Variants in PRKN observed in about 807,000 individuals in gnomAD.
PRKN encodes parkin RBR E3 ubiquitin protein ligase, also known as E3 ubiquitin-protein ligase parkin.
A neutral mutation model predicts 59.5 loss-of-function variants in PRKN; 56 were observed. That is an observed-to-expected ratio of 0.94 (90% CI 0.76 to 1.18). The LOEUF is 1.18. Ranked by LOEUF, PRKN falls within the 50% of genes most tolerant of loss-of-function variation. The pLI is 0.00. For synonymous variants in PRKN, 250 were observed against 222.1 expected, an observed-to-expected ratio of 1.13 and a Z score of -1.12; for missense variants, 657 against 596.4, an observed-to-expected ratio of 1.10 and a Z score of -1.06.
chr6:162,269,823 C>T (rs886812165), intron 2 of PRKN, among the ~76,000 whole-genome samples: 2 of 152,132 alleles, frequency 1.3e-5, no homozygotes, highest in Non-Finnish European at 2.9e-5. Flanking sequence ...CAATGCGATA[C>T]CATCTTACTC....
chr6:162,256,423 T>A (rs2128098138), intron 3 of PRKN, among the ~76,000 whole-genome samples: 1 of 152,296 alleles, frequency 6.6e-6, no homozygotes, highest in African/African-American at 2.4e-5. Context: ...AAGAGTGTAT[T>A]ACAGACAGTT....
At chr6:162,074,848 A>G (rs1206261056) in intron 4 of PRKN, among the ~76,000 whole-genome samples, 1 of 152,126 alleles carries the variant, frequency 6.6e-6, no homozygotes, top group Non-Finnish European at 1.5e-5. Context: ...TTCCTGAACC[A>G]CAAGATGCCT....
At chr6:161,644,108 A>G (rs1190850894) in intron 7 of PRKN, among the ~76,000 whole-genome samples, 1 of 152,162 alleles carries the variant, frequency 6.6e-6, no homozygotes, top group Admixed American at 6.5e-5. Context: ...CCAATCTCAG[A>G]GGGAAAAAGC....
At chr6:162,727,469 C>T (rs1300137253) in intron 1 of PRKN, among the ~76,000 whole-genome samples, 193 bp downstream of exon 1, 1 of 152,048 alleles carries the variant, frequency 6.6e-6, no homozygotes, top group Admixed American at 6.5e-5. Context: ...GGGCTTCGAA[C>T]GCACACACTG....
chr6:161,870,212 G>A (rs1413766459), intron 6 of PRKN, among the ~76,000 whole-genome samples: 2 of 152,102 alleles, frequency 1.3e-5, no homozygotes, highest in African/African-American at 2.4e-5. Context: ...ATATTGGGCT[G>A]TTCTCAGAGT....
intron 6 of PRKN, among the ~76,000 whole-genome samples, chr6:161,926,955 C>A (rs1374992079): frequency 6.6e-6 from 1 of 152,026 alleles, no homozygotes; most frequent in Non-Finnish European, 1.5e-5. Flanking sequence ...TTTTAAAAGA[C>A]AATAAGTTAC....
At chr6:161,998,400 C>G (rs1190899768) in intron 5 of PRKN, among the ~76,000 whole-genome samples, 1 of 152,072 alleles carries the variant, frequency 6.6e-6, no homozygotes, top group East Asian at 1.9e-4. Flanking sequence ...CTCTTATGAA[C>G]CTGGAAACAA....
intron 1 of PRKN, among the ~76,000 whole-genome samples, chr6:162,480,189 C>T (rs1279101146): frequency 3.9e-5 from 6 of 152,106 alleles, no homozygotes; most frequent in Non-Finnish European, 8.8e-5. Context: ...CAATTGGTAT[C>T]GTAGTAGGCT....
intron 6 of PRKN, among the ~76,000 whole-genome samples, chr6:161,946,787 T>A (rs1779798449): frequency 6.6e-6 from 1 of 152,134 alleles, no homozygotes; most frequent in Admixed American, 6.6e-5. Flanking sequence ...AAGTAAGCGA[T>A]CTCAATGTCT....
chr6:161,595,216 C>T (rs1781871245), intron 7 of PRKN, among the ~76,000 whole-genome samples: 1 of 152,152 alleles, frequency 6.6e-6, no homozygotes, highest in Non-Finnish European at 1.5e-5. Flanking sequence ...TCAAAGAACA[C>T]GTTGTCAGTG....
chr6:162,635,286 C>T (rs937590235), intron 1 of PRKN, among the ~76,000 whole-genome samples: 20 of 152,156 alleles, frequency 1.3e-4, no homozygotes, highest in African/African-American at 4.8e-4. Context: ...AATAAATTTC[C>T]TCTATCTTTA....
chr6:162,393,317 G>A (rs541194802), intron 2 of PRKN, among the ~76,000 whole-genome samples: 4 of 151,652 alleles, frequency 2.6e-5, no homozygotes, highest in African/African-American at 4.8e-5. Flanking sequence ...CTGCCACCAC[G>A]CCCAGCTAAT....
At chr6:162,672,685 AGTGTGTGTGTGTGT>A (rs56722608) in intron 1 of PRKN, among the ~76,000 whole-genome samples, 1 of 149,064 alleles carries the variant, frequency 6.7e-6, no homozygotes, top group South Asian at 2.1e-4. Flanking sequence ...TTGGGGGAAA[AGTGTGTGTGTGTGT>A]GTGTGTGTGT....
At chr6:161,708,703 C>T (rs895561551) in intron 7 of PRKN, among the ~76,000 whole-genome samples, 3 of 152,122 alleles carry the variant, frequency 2.0e-5, no homozygotes, top group African/African-American at 7.2e-5. Flanking sequence ...ATTAGAGCAA[C>T]TTTGTGAGGA....
At chr6:162,550,181 T>C (rs952790988) in intron 1 of PRKN, among the ~76,000 whole-genome samples, 6 of 152,192 alleles carry the variant, frequency 3.9e-5, no homozygotes, top group Admixed American at 1.3e-4. Context: ...AATGAGTATG[T>C]AGCTAAAAGT....
chr6:162,658,693 A>AAAAAGAAAAAGAAAACAAAAG (rs1778760782), intron 1 of PRKN, among the ~76,000 whole-genome samples: 1 of 149,380 alleles, frequency 6.7e-6, no homozygotes. Context: ...AAGAAAAAAG[A>AAAAAGAAAAAGAAAACAAAAG]AAAAGAAAAA....
At chr6:162,039,739 T>A (rs930665238) in intron 5 of PRKN, among the ~76,000 whole-genome samples, 7 of 152,218 alleles carry the variant, frequency 4.6e-5, no homozygotes, top group African/African-American at 1.7e-4. Flanking sequence ...ATTATCATTG[T>A]CTGTTGCTAA....
intron 1 of PRKN, among the ~76,000 whole-genome samples, chr6:162,556,368 T>TGTGC (rs1225518749): frequency 1.4e-4 from 14 of 98,052 alleles, no homozygotes; most frequent in East Asian, 1.5e-3. Context: ...TGTGTGTGTG[T>TGTGC]GTGTGTGTGT....
intron 9 of PRKN, among the ~76,000 whole-genome samples, chr6:161,543,392 G>A (rs367974949): frequency 2.6e-5 from 4 of 152,158 alleles, no homozygotes; most frequent in South Asian, 2.1e-4. Flanking sequence ...TATAATTTTC[G>A]AAACCCTTTT....
Sources: allele counts gnomAD v4.1 joint callset (sites outside exome capture counted in the v4.1 genomes callset), GRCh38; gene constraint gnomAD v4.1.1; transcripts MANE v1.5; gene names NCBI Gene and HGNC (gene_info 2026-07-23, HGNC 2026-07-21).